The following PPP2R1A variants were observed in gnomAD, a reference collection of about 807,000 sequenced individuals.
PPP2R1A encodes the protein protein phosphatase 2 scaffold subunit Aalpha.
In PPP2R1A, 15 loss-of-function variants were observed where a neutral mutation model predicts 67.1. That is an observed-to-expected ratio of 0.22 (90% CI 0.15 to 0.34). The LOEUF is 0.34. PPP2R1A is among the 10% of genes least tolerant of loss of function. The pLI is 1.00. For synonymous variants in PPP2R1A, 337 were observed against 325.0 expected, an observed-to-expected ratio of 1.04 and a Z score of -0.40; for missense variants, 369 against 775.0, an observed-to-expected ratio of 0.48 and a Z score of 6.22.
At position 52,228,645 on chromosome 19, in the gene PPP2R1A, C is replaced by T. The variant is rs1979396917; in HGVS notation, c.*2664C>T. 1 of 152,270 alleles carries T rather than the reference C, an allele frequency of 6.6e-6. No homozygotes were observed. The allele number at this position is 152,270 out of a possible 1,614,324, so 9.4% of individuals were successfully genotyped here. On this transcript the variant is annotated 3_prime_UTR_variant, in exon 15 of 15. Transcript: ENST00000322088. ...GTGGAGAGACTGTGTGGAGCCAGGACTCATGACCCTGGCCTGTTTCTCCCG... is the reference window on the plus strand; with the variant it reads ...GTGGAGAGACTGTGTGGAGCCAGGATTCATGACCCTGGCCTGTTTCTCCCG...
At position 52,206,123 on chromosome 19, in the gene PPP2R1A, G is replaced by A. The variant is rs546337272; in HGVS notation, c.270+60G>A. On this transcript the variant is annotated intron_variant, in intron 3 of 14. Coordinates refer to ENST00000322088, the MANE Select transcript of PPP2R1A (RefSeq NM_014225.6). The stretch of plus-strand genomic sequence containing the variant: ...CTTAGGGTCGGCCCATGGTCCTGCC[G>A]GCCTAGGGCAGGGAGGGGAGCGTGT... The A allele has an allele frequency of 2.6e-4, 388 of 1,477,718 alleles. 1 individual carries two copies. The highest frequency in any genetic ancestry group is 1.3e-3 in the East Asian group (55 of 43,984). 91.5% of individuals were successfully genotyped at this position (1,477,718 alleles called of 1,614,324 possible). A position where few individuals can be genotyped will look rare whatever the true frequency, so the allele number is the denominator to read the frequency against.
chr19:52,217,905 A>G (rs910070222), intron 9 of PPP2R1A, among the ~76,000 whole-genome samples: 2 of 151,996 alleles, frequency 1.3e-5, no homozygotes, highest in Non-Finnish European at 2.9e-5. Flanking sequence ...GAGCCAGAAT[A>G]GAGTTGGTGT....
Position 52,229,308 on chromosome 19 carries a change from G to A in PPP2R1A, c.*3327G>A, listed in dbSNP as rs1979436293. 1.3e-5 allele frequency: 2 copies of A among 152,224 alleles called. No homozygotes were observed. Among genetic ancestry groups the A allele is most frequent in the African/African-American group, 2.4e-5 (1 of 41,402 alleles). 9.4% of individuals were successfully genotyped at this position (152,224 alleles called of 1,614,324 possible). A position where few individuals can be genotyped will look rare whatever the true frequency, so the allele number is the denominator to read the frequency against. ...AAATATGAAAAAATTAGCTGGGCGTGGTGGAGGGCGCCTGTAATCCCAGCT... is the reference window on the plus strand; with the variant it reads ...AAATATGAAAAAATTAGCTGGGCGTAGTGGAGGGCGCCTGTAATCCCAGCT... On this transcript the variant is annotated 3_prime_UTR_variant, in exon 15 of 15. Transcript: ENST00000322088.
chr19:52,220,128 G>T (rs1264641557), intron 10 of PPP2R1A, 61 bp from the exon 11 acceptor site: 8 of 1,556,898 alleles, frequency 5.1e-6, no homozygotes, highest in Non-Finnish European at 7.1e-6. Flanking sequence ...GATGTGGCTA[G>T]CAGCTCCCCC....
At chr19:52,206,100 T>C in intron 3 of PPP2R1A, 37 bp downstream of exon 3, 1 of 1,576,756 alleles carries the variant, frequency 6.3e-7, no homozygotes, top group Admixed American at 1.7e-5. Flanking sequence ...GCCCACCCCT[T>C]AGGGTCGGCC....
intron 11 of PPP2R1A, 105 bp downstream of exon 11, chr19:52,220,354 C>G: frequency 1.6e-6 from 2 of 1,235,770 alleles, no homozygotes; most frequent in African/African-American, 1.5e-5. Context: ...AGTCACTCCC[C>G]ACGCCGCTGG....
chr19:52,220,561 C>T lies in PPP2R1A; in HGVS notation c.1363+312C>T, dbSNP rs28622028. Among the ~76,000 whole-genome samples the T allele has an allele frequency of 9.3e-3, 1,413 of 152,228 alleles. 18 individuals are homozygous for T. Among genetic ancestry groups the T allele is most frequent in the African/African-American group, 0.033 (1,364 of 41,514 alleles). ...AAGTCACCTGCTGTCTTTGAATGAG[C>T]CCCACACTCATTCTTTGAAACTTCT... On this transcript the variant is annotated intron_variant, in intron 11 of 14. Coordinates refer to ENST00000322088, the MANE Select transcript of PPP2R1A (RefSeq NM_014225.6).
In PPP2R1A at chr19:52,191,327, T is replaced by C. The variant is rs989214349; in HGVS notation, c.78+1153T>C. 2.0e-5 allele frequency: 3 copies of C among 152,268 alleles called. No individual in the cohort carries two copies. In the East Asian group the frequency reaches 5.8e-4, roughly 29 times the overall value. The allele number at this position is 152,268 out of a possible 1,614,324, so 9.4% of individuals were successfully genotyped here. A position where few individuals can be genotyped will look rare whatever the true frequency, so the allele number is the denominator to read the frequency against. ...CTGTGTTCCATAAAATATGGGCTAA[T>C]TGTAGTCCTGGTCTTGCTGGAGGGA... On this transcript the variant is annotated intron_variant, in intron 1 of 14. Transcript: ENST00000322088.
intron 3 of PPP2R1A, among the ~76,000 whole-genome samples, chr19:52,208,874 T>C (rs1403123079): frequency 6.6e-5 from 10 of 152,276 alleles, no homozygotes; most frequent in Non-Finnish European, 1.5e-4. Context: ...CTTATAAAAG[T>C]ACACAGGATT....
chr19:52,190,405 G>A (rs566268056), intron 1 of PPP2R1A: 9 of 586,188 alleles, frequency 1.5e-5, no homozygotes, highest in African/African-American at 1.3e-4. Flanking sequence ...TCCCGGGCCT[G>A]CCCTGTGCGC....
chr19:52,208,067 G>C (rs7251605), intron 3 of PPP2R1A, among the ~76,000 whole-genome samples: 1 of 152,126 alleles, frequency 6.6e-6, no homozygotes, highest in Non-Finnish European at 1.5e-5. Context: ...TGGAAACCCA[G>C]AGATGTGTCA....
At chr19:52,214,782 G>C (rs112055185) in intron 6 of PPP2R1A, among the ~76,000 whole-genome samples, 7 of 150,890 alleles carry the variant, frequency 4.6e-5, no homozygotes, top group Admixed American at 4.6e-4. Context: ...GCTGGAGTAC[G>C]GTGGCACAAG....
rs2089692068 is a variant in PPP2R1A, at chr19:52,213,340, A to ACGT, written c.807+231_807+233dup. Among the ~76,000 whole-genome samples, 1 of 151,892 alleles carries ACGT rather than the reference A, an allele frequency of 6.6e-6. No individual in the cohort carries two copies. Among genetic ancestry groups the ACGT allele is most frequent in the East Asian group, 1.9e-4 (1 of 5,162 alleles). On this transcript the variant is annotated intron_variant, in intron 6 of 14. Coordinates refer to ENST00000322088, the MANE Select transcript of PPP2R1A (RefSeq NM_014225.6). This position sits in a 1 kb window ranked among gnomAD's most constrained non-coding sequence, Gnocchi z 4.2. ...AAGATTCTGAGGCAAAGTTAAGGCT[A>ACGT]CGTGGAGGAAAGTGCCACAGGAGCA... is the stretch of plus-strand genomic sequence containing the variant.
In PPP2R1A at chr19:52,212,695, G is replaced by T. The variant is rs2089682019; in HGVS notation, c.513G>T (p.Arg171=). 1.9e-6 allele frequency: 3 copies of T among 1,613,582 alleles called. No homozygotes were observed. In the East Asian group the frequency reaches 6.7e-5, roughly 36 times the overall value. The change falls in exon 5 of 15, where the codon CGG becomes CGT. Residue 171 remains arginine (R), a synonymous_variant. Coordinates refer to ENST00000322088, the MANE Select transcript of PPP2R1A (RefSeq NM_014225.6). This position sits in a 1 kb window ranked among gnomAD's most constrained non-coding sequence, Gnocchi z 4.1. ...AVKAELRQYF[R]NLCSDDTPMV... ...CGTCCCCGACTCCCAGGTACTTCCG[G>T]AACCTGTGCTCAGATGACACCCCCA...
At position 52,213,487 on chromosome 19, in the gene PPP2R1A, T is replaced by A. The variant is rs1002533162; in HGVS notation, c.807+377T>A. ...TTTTTTTTTTTTTTTTTTTTTTTTT[T>A]AAGATGGAGTCTGTCGCCCAGGCTA... On this transcript the variant is annotated intron_variant, in intron 6 of 14. Transcript: ENST00000322088. This position sits in a 1 kb window ranked among gnomAD's most constrained non-coding sequence, Gnocchi z 4.2. Among the ~76,000 whole-genome samples the A allele has an allele frequency of 1.1e-5, 1 of 87,226 alleles. No individual in the cohort carries two copies. Among genetic ancestry groups the A allele is most frequent in the African/African-American group, 6.0e-5 (1 of 16,728 alleles). 57.2% of individuals were successfully genotyped at this position (87,226 alleles called of 152,430 possible).
Position 52,212,830 on chromosome 19 carries a change from G to A in PPP2R1A, c.648G>A (p.Glu216=), listed in dbSNP as rs2089684130. The part of the protein sequence containing the change: ...IPMFSNLASD[E]QDSVRLLAVE... ...TGTTCTCCAACCTGGCCTCTGACGAGCAGGTGAGTTTTGCTTCCTGGCCCT... is the reference window on the plus strand; with the variant it reads ...TGTTCTCCAACCTGGCCTCTGACGAACAGGTGAGTTTTGCTTCCTGGCCCT... Residue 216 remains glutamate, a synonymous_variant, in exon 5 of 15, where the codon GAG becomes GAA. Coordinates refer to ENST00000322088, the MANE Select transcript of PPP2R1A (RefSeq NM_014225.6). The surrounding 1 kb of genome is among the most constrained non-coding windows in gnomAD (Gnocchi z 4.1). 1.3e-6 allele frequency: 2 copies of A among 1,599,030 alleles called. No individual in the cohort carries two copies. The highest frequency in any genetic ancestry group is 1.7e-6 in the Non-Finnish European group (2 of 1,170,942).
rs2089671272 is a variant in PPP2R1A at position 52,211,589 on chromosome 19, C to A, written c.503+97C>A. 8 of 1,255,686 alleles carry A rather than the reference C, an allele frequency of 6.4e-6. No individual in the cohort carries two copies. The highest frequency in any genetic ancestry group is 7.7e-6 in the Non-Finnish European group (7 of 909,980). 77.8% of individuals were successfully genotyped at this position (1,255,686 alleles called of 1,614,324 possible). A position where few individuals can be genotyped will look rare whatever the true frequency, so the allele number is the denominator to read the frequency against. On this transcript the variant is annotated intron_variant, in intron 4 of 14. Coordinates refer to ENST00000322088, the MANE Select transcript of PPP2R1A (RefSeq NM_014225.6). The surrounding 1 kb of genome is among the most constrained non-coding windows in gnomAD (Gnocchi z 5.3). Reference sequence around the variant, plus strand: ...TTTTGGTCTAGCTGGGGCCCAAATGCCCCTGAACTCTCTCCACTCCCACTC... The same window carrying A: ...TTTTGGTCTAGCTGGGGCCCAAATGACCCTGAACTCTCTCCACTCCCACTC...
chr19:52,195,838 A>C (rs1392628553), intron 1 of PPP2R1A, among the ~76,000 whole-genome samples: 1 of 152,148 alleles, frequency 6.6e-6, no homozygotes, highest in Non-Finnish European at 1.5e-5. Context: ...TGAAGTTCCC[A>C]GGCCCTGTCC....
In PPP2R1A at chr19:52,226,870, C is replaced by T. The variant is rs1979297863; in HGVS notation, c.*889C>T. The stretch of plus-strand genomic sequence containing the variant: ...CCTGGAAAGTGTGTAACAGTTTCAA[C>T]ATGAGAAGTACACAACATGAGAAGC... On this transcript the variant is annotated 3_prime_UTR_variant, in exon 15 of 15. Transcript: ENST00000322088. The T allele has an allele frequency of 6.6e-6, 1 of 152,188 alleles. No homozygotes were observed. The highest frequency in any genetic ancestry group is 6.5e-5 in the Admixed American group (1 of 15,276). The allele number at this position is 152,188 out of a possible 1,614,324, so 9.4% of individuals were successfully genotyped here.
Sources: allele counts gnomAD v4.1 joint callset (sites outside exome capture counted in the v4.1 genomes callset), GRCh38; gene constraint gnomAD v4.1.1; non-coding constraint Gnocchi (gnomAD v3.1); transcripts MANE v1.5; gene names NCBI Gene and HGNC (gene_info 2026-07-23, HGNC 2026-07-21).